SLC16A11: variants seen among roughly 807,000 people sequenced by gnomAD.
SLC16A11 encodes monocarboxylate transporter 11.
Under a neutral mutation model 26.0 loss-of-function variants are expected in SLC16A11, and 24 were observed. The ratio of observed to expected loss-of-function variants is 0.92; its 90% CI spans 0.67 to 1.30. SLC16A11 has a LOEUF of 1.30. Among genes scored for constraint, SLC16A11 ranks in the 50% most tolerant of loss-of-function variants. The pLI, the probability that SLC16A11 is intolerant of heterozygous loss-of-function variation, is 0.00. For synonymous variants in SLC16A11, 332 were observed against 296.0 expected (o/e 1.12, Z -1.25); for missense variants, 638 against 597.7 (o/e 1.07, Z -0.70).
rs1910856947 is a variant in SLC16A11 at position 7,043,384 on chromosome 17, C to CGGCAAGGTCAGGGAA, written c.115_129dup (p.Phe39_Ala43dup). The stretch of plus-strand genomic sequence containing the variant: ...TCCTGGGCGCTTCGGTCAAAGTGCT[C>CGGCAAGGTCAGGGAA]GGCAAGGTCAGGGAAGGCAAGGCCC... On this transcript the variant is annotated inframe_insertion, in exon 2 of 5. Transcript: ENST00000574600. 1 of 1,609,868 alleles carries CGGCAAGGTCAGGGAA rather than the reference C, an allele frequency of 6.2e-7. No individual in the cohort carries two copies. Among genetic ancestry groups the CGGCAAGGTCAGGGAA allele is most frequent in the South Asian group, 1.1e-5 (1 of 90,922 alleles).
Position 7,042,606 on chromosome 17 carries a change from G to A in SLC16A11, c.504C>T (p.Gly168=), listed in dbSNP as rs1378112879. 2 of 1,585,514 alleles carry A rather than the reference G, an allele frequency of 1.3e-6. No homozygotes were observed. Among genetic ancestry groups the A allele is most frequent in the African/African-American group, 1.3e-5 (1 of 74,920 alleles). ...PALQLLLDTF[G]WRGALLLLGA... Reference sequence around the variant, plus strand: ...CGAGGAGGAGCAGAGCGCCCCGCCAGCCGAAAGTATCGAGAAGAAGCTGCA... The same window carrying A: ...CGAGGAGGAGCAGAGCGCCCCGCCAACCGAAAGTATCGAGAAGAAGCTGCA... The change falls in exon 4 of 5, where the codon GGC becomes GGT. Residue 168 remains glycine (G), a synonymous_variant. Coordinates refer to ENST00000574600, the MANE Select transcript of SLC16A11 (RefSeq NM_001370549.1). The surrounding 1 kb of genome is among the most constrained non-coding windows in gnomAD (Gnocchi z 5.9).
Position 7,042,079 on chromosome 17 carries a change from A to T in SLC16A11, c.1031T>A (p.Val344Glu), listed in dbSNP as rs749090722. Residue 344 changes from valine (V) to glutamate (E), a missense_variant, in exon 4 of 5, where the codon GTG becomes GAG. Val to Glu is a moderately radical substitution (Grantham distance 121). Coordinates refer to ENST00000574600, the MANE Select transcript of SLC16A11 (RefSeq NM_001370549.1). The surrounding 1 kb of genome is among the most constrained non-coding windows in gnomAD (Gnocchi z 5.9). ...PLVFGVLPGL[V>E]GVGGVVQATG... ...GGCCTGCACCACACCTCCGACGCCC[A>T]CCAGCCCGGGGAGTACACCGAAAAC... 2 of 1,607,062 alleles carry T rather than the reference A, an allele frequency of 1.2e-6. No individual in the cohort carries two copies. Among genetic ancestry groups the T allele is most frequent in the South Asian group, 2.2e-5 (2 of 90,640 alleles).
rs759623217 is a variant in SLC16A11 at position 7,042,376 on chromosome 17, G to C, written c.734C>G (p.Ala245Gly). The change falls in exon 4 of 5, where the codon GCT becomes GGT. Residue 245 changes from alanine (A) to glycine (G), a missense_variant. Physicochemically the swap from Ala to Gly is moderately conservative, Grantham distance 60. Transcript: ENST00000574600. The surrounding 1 kb of genome is among the most constrained non-coding windows in gnomAD (Gnocchi z 5.9). ...GTATCCCCCCAGGCCCCGGTCTAAA[G>C]CGTGGGGAGCCAAGTGCACGTAAGG... ...FVPYVHLAPH[A>G]LDRGLGGYGA... The C allele has an allele frequency of 6.4e-7, 1 of 1,566,050 alleles. No individual in the cohort carries two copies. The highest frequency in any genetic ancestry group is 1.4e-5 in the African/African-American group (1 of 73,674).
At chr17:7,043,121 C>A in intron 2 of SLC16A11, 48 bp from the exon 3 acceptor site, 1 of 1,482,624 alleles carries the variant, frequency 6.7e-7, no homozygotes, top group Non-Finnish European at 8.9e-7. Flanking sequence ...GGCCCCCAAA[C>A]TCTCTCCAAC....
Position 7,042,590 on chromosome 17 carries a change from G to T in SLC16A11, c.520C>A (p.Leu174Ile). Residue 174 changes from leucine to isoleucine, a missense_variant, in exon 4 of 5, where the codon CTC becomes ATC. Leu to Ile is a conservative substitution (Grantham distance 5). Transcript: ENST00000574600. This position sits in a 1 kb window ranked among gnomAD's most constrained non-coding sequence, Gnocchi z 5.9. ...TGGAGGGTGATCGCGCCGAGGAGGAGCAGAGCGCCCCGCCAGCCGAAAGTA... is the reference window on the plus strand; with the variant it reads ...TGGAGGGTGATCGCGCCGAGGAGGATCAGAGCGCCCCGCCAGCCGAAAGTA... The part of the protein sequence containing the change: ...LDTFGWRGAL[L>I]LLGAITLHLT... 6.3e-7 allele frequency: 1 copy of T among 1,584,228 alleles called. No individual in the cohort carries two copies. Among genetic ancestry groups the T allele is most frequent in the Non-Finnish European group, 8.6e-7 (1 of 1,168,322 alleles).
rs1260296505 is a variant in SLC16A11, at chr17:7,043,848, G to A, written c.-80C>T. 2.4e-6 allele frequency: 1 copy of A among 421,770 alleles called. No homozygotes were observed. The highest frequency in any genetic ancestry group is 2.1e-5 in the African/African-American group (1 of 48,576). The allele number at this position is 421,770 out of a possible 1,614,324, so 26.1% of individuals were successfully genotyped here. ...GCCCGGCTTTCTCTCTGCTTCCCAG[G>A]CGGGCGGGGGCCCCGAAGGGGAGCG... On this transcript the variant is annotated 5_prime_UTR_variant, in exon 1 of 5. Transcript: ENST00000574600.
chr17:7,043,104 G>T (rs1038108109), intron 2 of SLC16A11, 31 bp from the exon 3 acceptor site: 5 of 1,492,634 alleles, frequency 3.3e-6, no homozygotes, highest in Non-Finnish European at 4.4e-6. Flanking sequence ...CGGAAGACAC[G>T]CCCCCGGGCC....
At position 7,043,345 on chromosome 17, in the gene SLC16A11, T is replaced by C. The variant is rs1567734915; in HGVS notation, c.169A>G (p.Ser57Gly). ...TGCTGCACGGCCAGGGCCAGGGCGC[T>C]GATCCACGCAGTGTCCTGGGCGCTT... ...DRSAQDTAWI[S>G]ALALAVQQAA... The change falls in exon 2 of 5, where the codon AGC (serine) becomes GGC (glycine). Residue 57 changes from serine (S) to glycine (G), a missense_variant. Ser to Gly is a moderately conservative substitution (Grantham distance 56). Coordinates refer to ENST00000574600, the MANE Select transcript of SLC16A11 (RefSeq NM_001370549.1). The C allele has an allele frequency of 6.2e-7, 1 of 1,610,142 alleles. No homozygotes were observed. The highest frequency in any genetic ancestry group is 8.5e-7 in the Non-Finnish European group (1 of 1,179,824).
At chr17:7,043,102 A>C (rs1393325967) in intron 2 of SLC16A11, 29 bp from the exon 3 acceptor site, 1 of 1,499,592 alleles carries the variant, frequency 6.7e-7, no homozygotes, top group South Asian at 1.3e-5. Context: ...AACGGAAGAC[A>C]CGCCCCCGGG....
At position 7,043,424 on chromosome 17, in the gene SLC16A11, C is replaced by A. The variant is rs752692291; in HGVS notation, c.90G>T (p.Gly30=). Residue 30 remains glycine (G), a synonymous_variant, in exon 2 of 5, where the codon GGG becomes GGT. Coordinates refer to ENST00000574600, the MANE Select transcript of SLC16A11 (RefSeq NM_001370549.1). ...AGGCAAGGCCCAGCGAGCGCAGCAG[C>A]CCGTAGGACAGCCCGTTTATCGCGA... is the stretch of plus-strand genomic sequence containing the variant. ...AAFAINGLSY[G]LLRSLGLAFP... 6.2e-7 allele frequency: 1 copy of A among 1,603,044 alleles called. No homozygotes were observed. The highest frequency in any genetic ancestry group is 8.5e-7 in the Non-Finnish European group (1 of 1,177,892).
At position 7,042,339 on chromosome 17, in the gene SLC16A11, C is replaced by G; in HGVS notation, c.771G>C (p.Leu257=). The change falls in exon 4 of 5, where the codon CTG becomes CTC. Residue 257 remains leucine, a synonymous_variant. Coordinates refer to ENST00000574600, the MANE Select transcript of SLC16A11 (RefSeq NM_001370549.1). This position sits in a 1 kb window ranked among gnomAD's most constrained non-coding sequence, Gnocchi z 5.9. ...CCCCCATCGCAGCCACGGCCACCAC[C>G]AGCGCTGCTCCGTATCCCCCCAGGC... ...DRGLGGYGAA[L]VVAVAAMGDA... 6.4e-7 allele frequency: 1 copy of G among 1,552,926 alleles called. No homozygotes were observed. Among genetic ancestry groups the G allele is most frequent in the Non-Finnish European group, 8.7e-7 (1 of 1,146,650 alleles).
intron 1 of SLC16A11, 39 bp from the exon 2 acceptor site, chr17:7,043,558 G>T: frequency 6.4e-7 from 1 of 1,568,532 alleles, no homozygotes; most frequent in Non-Finnish European, 8.6e-7. Context: ...AAGCCTCCAC[G>T]CCTGTGCTTC....
chr17:7,041,761 TC>T lies in SLC16A11; in HGVS notation c.1261del (p.Glu421ArgfsTer33), dbSNP rs1555572131. Reference sequence around the variant, plus strand: ...GGGAGCGGGAAGCAGCTCCCCCGTCTCTGGGGGAGGCGTGGCTGGAGGGGAG... The same window carrying T: ...GGGAGCGGGAAGCAGCTCCCCCGTCTTGGGGGAGGCGTGGCTGGAGGGGAG... ...PASPPATPPP[E>X]TGELLPAPQA... On this transcript the variant is annotated frameshift_variant, in exon 5 of 5. Transcript: ENST00000574600. LOFTEE classifies it low-confidence loss of function (END_TRUNC). 6.2e-7 allele frequency: 1 copy of T among 1,613,350 alleles called. No individual in the cohort carries two copies. The highest frequency in any genetic ancestry group is 8.5e-7 in the Non-Finnish European group (1 of 1,179,926).
In SLC16A11 at chr17:7,042,793, G is replaced by A. The variant is rs370059693; in HGVS notation, c.347-30C>T. On this transcript the variant is annotated intron_variant, in intron 3 of 4. Transcript: ENST00000574600. This position sits in a 1 kb window ranked among gnomAD's most constrained non-coding sequence, Gnocchi z 5.9. Reference sequence around the variant, plus strand: ...GAATGAATAGGAGGGGATGGGGGCCGGCACTGGGGACGCCCGCCCCAGCAT... The same window carrying A: ...GAATGAATAGGAGGGGATGGGGGCCAGCACTGGGGACGCCCGCCCCAGCAT... The A allele has an allele frequency of 5.2e-6, 8 of 1,543,318 alleles. No homozygotes were observed. The highest frequency in any genetic ancestry group is 5.2e-6 in the Non-Finnish European group (6 of 1,146,248).
chr17:7,043,653 C>A, intron 1 of SLC16A11, 122 bp downstream of exon 1: 1 of 1,472,230 alleles, frequency 6.8e-7, no homozygotes, highest in African/African-American at 1.4e-5. Flanking sequence ...TGGCGCGGGG[C>A]GGAGGGAGCC....
rs962385595 is a variant in SLC16A11 at position 7,042,949 on chromosome 17, G to A, written c.327C>T (p.Leu109=). 2.5e-6 allele frequency: 4 copies of A among 1,613,032 alleles called. No individual in the cohort carries two copies. Among genetic ancestry groups the A allele is most frequent in the East Asian group, 4.5e-5 (2 of 44,870 alleles). ...CCTCACCAGCGAGGAGGCCCAGGCC[G>A]AGGTAGAGATGCAGCAGATCGCTGG... ...AFASDLLHLY[L]GLGLLAGFGW... is the part of the protein sequence containing the mutation. The change falls in exon 3 of 5, where the codon CTC becomes CTT. Residue 109 remains leucine (L), a synonymous_variant. Transcript: ENST00000574600. This position sits in a 1 kb window ranked among gnomAD's most constrained non-coding sequence, Gnocchi z 5.9.
chr17:7,041,922 T>TA lies in SLC16A11; in HGVS notation c.1115-15dup, dbSNP rs1910755905. ...CCCTTAGGAAGCCTGAGGAGATGGG[T>TA]AAGGGCATTTAGAAGCCTCGAACCC... On this transcript the variant is annotated splice_polypyrimidine_tract_variant and intron_variant, in intron 4 of 4. Coordinates refer to ENST00000574600, the MANE Select transcript of SLC16A11 (RefSeq NM_001370549.1). The TA allele has an allele frequency of 6.2e-7, 1 of 1,612,142 alleles. No homozygotes were observed. Among genetic ancestry groups the TA allele is most frequent in the East Asian group, 2.2e-5 (1 of 44,800 alleles).
rs377061712 is a variant in SLC16A11, at chr17:7,042,910, G to C, written c.346+20C>G. The C allele has an allele frequency of 6.2e-7, 1 of 1,612,608 alleles. No individual in the cohort carries two copies. The highest frequency in any genetic ancestry group is 1.3e-5 in the African/African-American group (1 of 74,946). Reference sequence around the variant, plus strand: ...TCACCTCCTTCACCCTGAATGACCCGGGCATCCCACTTCCCTCACCAGCGA... The same window carrying C: ...TCACCTCCTTCACCCTGAATGACCCCGGCATCCCACTTCCCTCACCAGCGA... On this transcript the variant is annotated intron_variant, in intron 3 of 4. Transcript: ENST00000574600. The surrounding 1 kb of genome is among the most constrained non-coding windows in gnomAD (Gnocchi z 5.9).
Position 7,041,868 on chromosome 17 carries a change from GAAA to G in SLC16A11, c.1152_1154del (p.Phe385del). 1 of 1,614,058 alleles carries G rather than the reference GAAA, an allele frequency of 6.2e-7. No homozygotes were observed. The highest frequency in any genetic ancestry group is 8.5e-7 in the Non-Finnish European group (1 of 1,179,976). ...AGAGGATCAAAGAACCAGACAGGAG[GAAA>G]GAGGCGGTGAAGTCTCCTGTCTCAT... On this transcript the variant is annotated inframe_deletion, in exon 5 of 5. Coordinates refer to ENST00000574600, the MANE Select transcript of SLC16A11 (RefSeq NM_001370549.1).
Sources: allele counts gnomAD v4.1 joint callset, GRCh38; gene constraint gnomAD v4.1.1; non-coding constraint Gnocchi (gnomAD v3.1); transcripts MANE v1.5; gene names NCBI Gene and HGNC (gene_info 2026-07-23, HGNC 2026-07-21).